Variants in ENTREP2 observed in about 807,000 individuals in gnomAD.
ENTREP2 encodes endosomal transmembrane epsin interactor 2, also known as protein ENTREP2.
the ENTREP2 span, among the ~76,000 whole-genome samples, chr15:29,602,246 A>G: frequency 6.6e-6 from 1 of 152,222 alleles, no homozygotes; most frequent in Admixed American, 6.5e-5. Context: ...CACCTACTAC[A>G]GTACCTTGTG....
At chr15:29,642,777 T>C in the ENTREP2 span, among the ~76,000 whole-genome samples, 1 of 152,060 alleles carries the variant, frequency 6.6e-6, no homozygotes, top group Non-Finnish European at 1.5e-5. Flanking sequence ...GACACACGGC[T>C]AATTTTTTGT....
chr15:29,196,887 G>A, the ENTREP2 span, among the ~76,000 whole-genome samples: 1 of 152,204 alleles, frequency 6.6e-6, no homozygotes, highest in Non-Finnish European at 1.5e-5. Context: ...ATGTATGCAC[G>A]GAGATGTGCT....
chr15:29,529,496 T>C, the ENTREP2 span, among the ~76,000 whole-genome samples: 3 of 151,838 alleles, frequency 2.0e-5, no homozygotes, highest in South Asian at 4.2e-4. Context: ...TGGTGGACCG[T>C]GGCCTAGAAG....
the ENTREP2 span, among the ~76,000 whole-genome samples, chr15:29,485,868 A>G: frequency 6.6e-6 from 1 of 152,284 alleles, no homozygotes; most frequent in Admixed American, 6.5e-5. Flanking sequence ...AACGTAATAA[A>G]TGCTGGTGAG....
At chr15:29,525,381 A>G in the ENTREP2 span, among the ~76,000 whole-genome samples, 1 of 152,264 alleles carries the variant, frequency 6.6e-6, no homozygotes, top group Non-Finnish European at 1.5e-5. Context: ...ACAACTGTTT[A>G]CTGGAATACT....
At chr15:29,195,243 G>T in the ENTREP2 span, 1 of 985,332 alleles carries the variant, frequency 1.0e-6, no homozygotes, top group East Asian at 1.1e-4. Context: ...CATGACAGGC[G>T]CTGTGAGCCA....
At chr15:29,652,977 A>G in the ENTREP2 span, among the ~76,000 whole-genome samples, 266 of 152,274 alleles carry the variant, frequency 1.7e-3, no homozygotes, top group South Asian at 3.3e-3. Context: ...AATAACACCC[A>G]AAAGATCCCA....
chr15:29,531,321 C>T, the ENTREP2 span, among the ~76,000 whole-genome samples: 2 of 152,176 alleles, frequency 1.3e-5, no homozygotes, highest in East Asian at 1.9e-4. Context: ...TTTGCAGACA[C>T]GCCAGACTTT....
chr15:29,386,840 A>G, the ENTREP2 span, among the ~76,000 whole-genome samples: 1 of 152,224 alleles, frequency 6.6e-6, no homozygotes, highest in Non-Finnish European at 1.5e-5. Context: ...AATTTTGCAC[A>G]TTGATTTTGT....
chr15:29,397,539 T>C, the ENTREP2 span, among the ~76,000 whole-genome samples: 1 of 152,172 alleles, frequency 6.6e-6, no homozygotes, highest in Non-Finnish European at 1.5e-5. Context: ...CTGTAGAGAA[T>C]GTACATCATT....
chr15:29,362,341 G>A, the ENTREP2 span, among the ~76,000 whole-genome samples: 4 of 147,108 alleles, frequency 2.7e-5, no homozygotes, highest in African/African-American at 1.0e-4. Flanking sequence ...ACCTTATTGG[G>A]TATCTTTGTC....
the ENTREP2 span, among the ~76,000 whole-genome samples, chr15:29,139,708 C>T: frequency 5.5e-4 from 84 of 152,310 alleles, no homozygotes; most frequent in East Asian, 0.014. Context: ...GCATCTGCTC[C>T]GGGTCGCCTT....
At chr15:29,444,202 G>GAAAGAAAGAAAGA in the ENTREP2 span, among the ~76,000 whole-genome samples, 35 of 142,628 alleles carry the variant, frequency 2.5e-4, 1 homozygote, top group African/African-American at 9.3e-4. Context: ...AAGAAAGAAA[G>GAAAGAAAGAAAGA]AAAGAAAGAA....
At chr15:29,318,891 G>C in the ENTREP2 span, among the ~76,000 whole-genome samples, 10 of 152,274 alleles carry the variant, frequency 6.6e-5, no homozygotes, top group Admixed American at 2.0e-4. Flanking sequence ...CAAACTGAAT[G>C]CTCCCTTTCT....
At chr15:29,267,493 C>T in the ENTREP2 span, 3 of 152,160 alleles carry the variant, frequency 2.0e-5, no homozygotes, top group Non-Finnish European at 2.9e-5. Context: ...ACCATGCTGA[C>T]AAGTTAGCAT....
At chr15:29,124,634 G>A in the ENTREP2 span, 622 of 1,475,772 alleles carry the variant, frequency 4.2e-4, 6 homozygotes, top group East Asian at 0.011. Context: ...ACCAACACCC[G>A]CCCCACCTCC....
At chr15:29,656,080 G>A in the ENTREP2 span, among the ~76,000 whole-genome samples, 17 of 146,696 alleles carry the variant, frequency 1.2e-4, no homozygotes, top group African/African-American at 4.3e-4. Context: ...CTTTTAAAGA[G>A]CAGAAAGAAC....
chr15:29,259,431 T>A, the ENTREP2 span, among the ~76,000 whole-genome samples: 1 of 152,170 alleles, frequency 6.6e-6, no homozygotes, highest in Non-Finnish European at 1.5e-5. Context: ...CTAAAGTACC[T>A]GCCTGAGAAA....
the ENTREP2 span, among the ~76,000 whole-genome samples, chr15:29,542,478 T>C: frequency 3.3e-5 from 5 of 151,376 alleles, no homozygotes. Flanking sequence ...TGTTGTATTT[T>C]TTTTTTTAGT....
Sources: allele counts gnomAD v4.1 joint callset (sites outside exome capture counted in the v4.1 genomes callset), GRCh38; gene constraint gnomAD v4.1.1; transcripts MANE v1.5; gene names NCBI Gene and HGNC (gene_info 2026-07-23, HGNC 2026-07-21).